The following MRC2 variants were observed in gnomAD, a reference collection of about 807,000 sequenced individuals.
MRC2 encodes C-type mannose receptor 2.
A neutral mutation model predicts 206.2 loss-of-function variants in MRC2; 84 were observed. That is an observed-to-expected ratio of 0.41 (90% CI 0.34 to 0.49). The LOEUF is 0.49. Among genes scored for constraint, MRC2 ranks in the 20% least tolerant of loss-of-function variants. MRC2 has a pLI of 0.31. For missense variants in MRC2, 1,676 were observed against 2,001.5 expected, an observed-to-expected ratio of 0.84 and a Z score of 3.10; for synonymous variants, 798 against 800.0, an observed-to-expected ratio of 1.00 and a Z score of 0.04.
Position 62,691,022 on chromosome 17 carries a change from C to G in MRC2, c.4086C>G (p.Ser1362Arg), listed in dbSNP as rs764172614. The change falls in exon 28 of 30, where the codon AGC becomes AGG. Residue 1362 changes from serine (S) to arginine (R), a missense_variant. By Grantham distance (110) the Ser-to-Arg change is moderately radical. Around this residue, in one of 3 missense-constraint regions of MRC2, gnomAD observed 1,354 missense variants for 1,636.6 expected, o/e 0.83. Transcript: ENST00000303375. Reference sequence around the variant, plus strand: ...GGGGGCCCCCGGGCTTGGGCCCCAGCATGCTGAGCCACAACAGCTGCTACT... The same window carrying G: ...GGGGGCCCCCGGGCTTGGGCCCCAGGATGCTGAGCCACAACAGCTGCTACT... ...SNWGPPGLGP[S>R]MLSHNSCYWI... 1.9e-6 allele frequency: 3 copies of G among 1,608,932 alleles called. No homozygotes were observed. In the Admixed American group the frequency reaches 5.1e-5, roughly 27 times the overall value.
At chr17:62,632,611 C>T (rs1270393307) in intron 1 of MRC2, among the ~76,000 whole-genome samples, 1 of 152,162 alleles carries the variant, frequency 6.6e-6, no homozygotes, top group Non-Finnish European at 1.5e-5. Context: ...GGTGTGCCTC[C>T]CCTCCCCTCT....
intron 1 of MRC2, among the ~76,000 whole-genome samples, chr17:62,637,815 G>A (rs1389732856): frequency 6.6e-6 from 1 of 152,154 alleles, no homozygotes; most frequent in African/African-American, 2.4e-5. Flanking sequence ...CACCTCCAGA[G>A]CAAGGCCTTT....
chr17:62,691,080 G>A lies in MRC2; in HGVS notation c.4144G>A (p.Gly1382Ser), dbSNP rs760583106. 23 of 1,609,532 alleles carry A rather than the reference G, an allele frequency of 1.4e-5. No individual in the cohort carries two copies. Among genetic ancestry groups the A allele is most frequent in the East Asian group, 2.2e-5 (1 of 44,726 alleles). ...GAGCAACAGCGGGCTATGGCGCCCC[G>A]GCGCTTGCACCAACATCACCATGGG... ...IQSNSGLWRPGACTNITMGVV... is the reference protein window; with the variant it reads ...IQSNSGLWRPSACTNITMGVV... The change falls in exon 28 of 30, where the codon GGC becomes AGC. Residue 1382 changes from glycine (G) to serine (S), a missense_variant. Physicochemically the swap from Gly to Ser is moderately conservative, Grantham distance 56. Transcript: ENST00000303375.
At chr17:62,689,372 G>A (rs2460289) in intron 23 of MRC2, 150 bp from the exon 24 acceptor site, 570,483 of 613,322 alleles carry the variant, frequency 0.93, 270,361 homozygotes, top group Non-Finnish European at 0.98. Flanking sequence ...TAACAACAGG[G>A]CTGACACCTA....
Position 62,647,279 on chromosome 17 carries a change from G to T in MRC2, c.119-17269G>T, listed in dbSNP as rs185542225. ...GCTCACTGCAACCTCCGCCTCCTGG[G>T]TTCAAGTGATTCTCCTGCCTCAGCC... On this transcript the variant is annotated intron_variant, in intron 1 of 29. Coordinates refer to ENST00000303375, the MANE Select transcript of MRC2 (RefSeq NM_006039.5). Among the ~76,000 whole-genome samples, 1,415 of 151,250 alleles carry T rather than the reference G, an allele frequency of 9.4e-3. 27 individuals are homozygous for T. The highest frequency in any genetic ancestry group is 0.033 in the African/African-American group (1,364 of 41,166).
At chr17:62,627,992 C>G in intron 1 of MRC2, 72 bp downstream of exon 1, 1 of 926,144 alleles carries the variant, frequency 1.1e-6, no homozygotes, top group South Asian at 2.2e-5. Context: ...CCGCTCTCGA[C>G]TTTTCCCTCC....
chr17:62,689,362 T>TA, intron 23 of MRC2, 160 bp from the exon 24 acceptor site: 1 of 596,136 alleles, frequency 1.7e-6, no homozygotes, highest in East Asian at 2.8e-5. Context: ...GTATTATTAA[T>TA]AACAACAGGG....
In MRC2 at chr17:62,688,844, C is replaced by T. The variant is rs760300089; in HGVS notation, c.3226-8C>T. On this transcript the variant is annotated splice_polypyrimidine_tract_variant and splice_region_variant and intron_variant, in intron 22 of 29. Transcript: ENST00000303375. The stretch of plus-strand genomic sequence containing the variant: ...CTGGGGCTCCCCTGAGCAGCTCCCT[C>T]CCCCCAGACCAGCTGTGCAGTGGTC... 22 of 1,603,406 alleles carry T rather than the reference C, an allele frequency of 1.4e-5. No homozygotes were observed. The highest frequency in any genetic ancestry group is 1.7e-5 in the Non-Finnish European group (20 of 1,174,690).
chr17:62,627,812 G>C lies in MRC2; in HGVS notation c.10G>C (p.Gly4Arg). ...AGCGCCGCGCTCGGGGATGGGGCCCGGCCGGCCGGCCCCCGCGCCCTGGCC... is the reference window on the plus strand; with the variant it reads ...AGCGCCGCGCTCGGGGATGGGGCCCCGCCGGCCGGCCCCCGCGCCCTGGCC... MGP[G>R]RPAPAPWPRH... The change falls in exon 1 of 30, where the codon GGC (glycine) becomes CGC (arginine). Residue 4 changes from glycine (G) to arginine (R), a missense_variant. Transcript: ENST00000303375. 1 of 1,441,204 alleles carries C rather than the reference G, an allele frequency of 6.9e-7. No homozygotes were observed. Among genetic ancestry groups the C allele is most frequent in the Non-Finnish European group, 9.0e-7 (1 of 1,105,134 alleles). 89.3% of individuals were successfully genotyped at this position (1,441,204 alleles called of 1,614,324 possible). A position where few individuals can be genotyped will look rare whatever the true frequency, so the allele number is the denominator to read the frequency against.
rs1176909174 is a variant in MRC2 at position 62,689,716 on chromosome 17, C to T, written c.3529C>T (p.Arg1177Ter). ...CCAGGCCTTCCTCACGCAGGCTGCC[C>T]GAGGGCTGCGCACGCCGCTCTGGAT... ...YTQAFLTQAA[R>*]GLRTPLWIGL... The change falls in exon 24 of 30, where the codon CGA (arginine) becomes TGA (stop). Residue 1177 changes from arginine (R) to a stop codon, truncating the protein, a stop_gained. Transcript: ENST00000303375. LOFTEE classifies it high-confidence loss of function. 9 of 1,566,796 alleles carry T rather than the reference C, an allele frequency of 5.7e-6. No individual in the cohort carries two copies. Among genetic ancestry groups the T allele is most frequent in the Non-Finnish European group, 6.0e-6 (7 of 1,157,572 alleles).
At chr17:62,641,150 A>G (rs2088397677) in intron 1 of MRC2, among the ~76,000 whole-genome samples, 1 of 151,458 alleles carries the variant, frequency 6.6e-6, no homozygotes. Context: ...CTGTAGGTGC[A>G]ATTTTTAAGT....
At position 62,689,773 on chromosome 17, in the gene MRC2, C is replaced by T. The variant is rs1257304222; in HGVS notation, c.3573+13C>T. 3.3e-6 allele frequency: 5 copies of T among 1,536,970 alleles called. No homozygotes were observed. The highest frequency in any genetic ancestry group is 4.4e-6 in the Non-Finnish European group (5 of 1,141,378). On this transcript the variant is annotated intron_variant, in intron 24 of 29. Transcript: ENST00000303375. ...GGCTGGCGAGGAGGTGGGCTCCCGA[C>T]ACTTTTGCCCTGGGCCCCAGCCTTG...
intron 18 of MRC2, 71 bp downstream of exon 18, chr17:62,681,200 T>G (rs2088962690): frequency 6.5e-7 from 1 of 1,544,622 alleles, no homozygotes; most frequent in Admixed American, 1.8e-5. Flanking sequence ...GAGGCAGACT[T>G]GCATTTGAAT....
At chr17:62,628,134 G>C (rs571618954) in intron 1 of MRC2, among the ~76,000 whole-genome samples, 1 of 151,978 alleles carries the variant, frequency 6.6e-6, no homozygotes, top group African/African-American at 2.4e-5. Context: ...GGGAGGACCT[G>C]AGTGGAACCA....
chr17:62,688,982 G>C (rs1401858918), intron 23 of MRC2, 22 bp downstream of exon 23: 3 of 1,597,930 alleles, frequency 1.9e-6, no homozygotes, highest in Non-Finnish European at 1.7e-6. Context: ...CAGTCACCTG[G>C]GAAACCCCAG....
chr17:62,690,089 G>T (rs372158522), intron 25 of MRC2, 27 bp downstream of exon 25: 79 of 1,583,550 alleles, frequency 5.0e-5, no homozygotes, highest in Non-Finnish European at 6.2e-5. Flanking sequence ...CAGGGCGGGG[G>T]CATGGGCAAG....
rs1248692859 is a variant in MRC2 at position 62,667,257 on chromosome 17, T to C, written c.974-133T>C. ...CCGTGGTCTGGGGCGGAGCTGGAGCTGAGCACCAGGCTTCCCGAACTGGCT... is the reference window on the plus strand; with the variant it reads ...CCGTGGTCTGGGGCGGAGCTGGAGCCGAGCACCAGGCTTCCCGAACTGGCT... On this transcript the variant is annotated intron_variant, in intron 5 of 29. Transcript: ENST00000303375. This position sits in a 1 kb window ranked among gnomAD's most constrained non-coding sequence, Gnocchi z 4.1. The C allele has an allele frequency of 2.5e-6, 3 of 1,210,732 alleles. No individual in the cohort carries two copies. In the African/African-American group the frequency reaches 4.6e-5, roughly 19 times the overall value. The allele number at this position is 1,210,732 out of a possible 1,614,324, so 75.0% of individuals were successfully genotyped here.
chr17:62,646,256 C>A (rs1406058036), intron 1 of MRC2, among the ~76,000 whole-genome samples: 2 of 151,366 alleles, frequency 1.3e-5, no homozygotes, highest in Non-Finnish European at 2.9e-5. Flanking sequence ...GATCTCCTGA[C>A]CTCGTGATCC....
At chr17:62,685,401 T>C (rs2089020520) in intron 20 of MRC2, among the ~76,000 whole-genome samples, 1 of 152,220 alleles carries the variant, frequency 6.6e-6, no homozygotes, top group Non-Finnish European at 1.5e-5. Flanking sequence ...TCTCTCATGT[T>C]ATAAAGTTTT....
Sources: gnomAD v4.1 joint callset for allele counts (sites outside exome capture counted in the v4.1 genomes callset) on GRCh38, gnomAD v4.1.1 for gene constraint, gnomAD v4.1.1 regional missense constraint, Gnocchi (gnomAD v3.1) non-coding constraint, MANE v1.5 for transcripts, NCBI Gene and HGNC (gene_info 2026-07-23, HGNC 2026-07-21) for gene names.